ALK: variants seen among roughly 807,000 people sequenced by gnomAD.
ALK encodes ALK receptor tyrosine kinase, also known as ALK tyrosine kinase receptor.
In ALK, 74 loss-of-function variants were observed where a neutral mutation model predicts 163.1. The observed-to-expected ratio is 0.45, with a 90% CI of 0.38 to 0.55. The LOEUF is 0.55. Ranked by LOEUF, ALK falls within the 20% of genes least tolerant of loss-of-function variation. The pLI is 0.00. For missense variants in ALK, 2,063 were observed against 2,105.3 expected, an observed-to-expected ratio of 0.98 and a Z score of 0.39; for synonymous variants, 960 against 843.2, an observed-to-expected ratio of 1.14 and a Z score of -2.40.
chr2:29,219,194 C>T (rs892500015), intron 23 of ALK, among the ~76,000 whole-genome samples: 2 of 152,172 alleles, frequency 1.3e-5, no homozygotes, highest in African/African-American at 4.8e-5. Flanking sequence ...GATGAGGGCT[C>T]TTATGAGACA....
chr2:29,805,042 G>A (rs190112137), intron 1 of ALK, among the ~76,000 whole-genome samples: 66 of 152,276 alleles, frequency 4.3e-4, no homozygotes, highest in Non-Finnish European at 7.2e-4. Flanking sequence ...CTGAGAAACT[G>A]GATCTGTCAG....
chr2:29,233,136 T>A (rs114007634), intron 14 of ALK, among the ~76,000 whole-genome samples: 1 of 152,188 alleles, frequency 6.6e-6, no homozygotes, highest in Non-Finnish European at 1.5e-5. Context: ...CTCATCTTTA[T>A]TTTTTAATTC....
intron 1 of ALK, among the ~76,000 whole-genome samples, chr2:29,726,157 C>T (rs946119683): frequency 5.9e-5 from 9 of 152,116 alleles, no homozygotes; most frequent in Non-Finnish European, 1.0e-4. Context: ...TTAACACACC[C>T]GCACTCCCTA....
At chr2:29,582,681 T>C (rs1026100295) in intron 3 of ALK, among the ~76,000 whole-genome samples, 1 of 152,182 alleles carries the variant, frequency 6.6e-6, no homozygotes, top group African/African-American at 2.4e-5. Flanking sequence ...AAGATTCCTT[T>C]CCAAGAAGTT....
intron 1 of ALK, among the ~76,000 whole-genome samples, chr2:29,810,192 C>T (rs113808389): frequency 0.035 from 5,388 of 152,066 alleles, 326 homozygotes; most frequent in African/African-American, 0.12. Context: ...GAGGCCAAGG[C>T]GGGTGAATCA....
intron 4 of ALK, among the ~76,000 whole-genome samples, chr2:29,420,955 T>C (rs56117783): frequency 0.36 from 54,196 of 151,224 alleles, 10,684 homozygotes; most frequent in Non-Finnish European, 0.42. Context: ...AGGTCGCATG[T>C]TCTCCCCATC....
At chr2:29,811,664 T>G (rs775348922) in intron 1 of ALK, among the ~76,000 whole-genome samples, 3 of 152,170 alleles carry the variant, frequency 2.0e-5, no homozygotes, top group Non-Finnish European at 4.4e-5. Context: ...CAATAAGGCA[T>G]GTAGCTGACC....
chr2:29,216,731 TG>T (rs1558618884), intron 23 of ALK, among the ~76,000 whole-genome samples: 3 of 148,502 alleles, frequency 2.0e-5, no homozygotes, highest in African/African-American at 7.4e-5. Flanking sequence ...TGTGTATATG[TG>T]TTTGTGTTTT....
At chr2:29,569,546 C>T (rs1156272100) in intron 3 of ALK, among the ~76,000 whole-genome samples, 1 of 122,152 alleles carries the variant, frequency 8.2e-6, no homozygotes, top group African/African-American at 3.3e-5. Context: ...GTAAATGTGA[C>T]TTTCTTTCCC....
chr2:29,450,752 T>C (rs1307052472), intron 4 of ALK, among the ~76,000 whole-genome samples: 2 of 152,126 alleles, frequency 1.3e-5, no homozygotes, highest in African/African-American at 4.8e-5. Context: ...GGCCTATAAA[T>C]AATGAGAAGA....
At chr2:29,363,673 G>C (rs531554552) in intron 5 of ALK, among the ~76,000 whole-genome samples, 39 of 152,288 alleles carry the variant, frequency 2.6e-4, no homozygotes, top group African/African-American at 7.5e-4. Context: ...AAGCCCAGGG[G>C]CCTCAGTGAT....
At chr2:29,575,993 G>C (rs1179519197) in intron 3 of ALK, among the ~76,000 whole-genome samples, 1 of 152,154 alleles carries the variant, frequency 6.6e-6, no homozygotes, top group Admixed American at 6.5e-5. Flanking sequence ...GAGCCTCCCA[G>C]TTAAGATGTG....
chr2:29,535,175 A>G (rs1573437227), intron 3 of ALK, among the ~76,000 whole-genome samples: 1 of 152,192 alleles, frequency 6.6e-6, no homozygotes, highest in Non-Finnish European at 1.5e-5. Context: ...ACTAAGAAGG[A>G]TGGTCTAGCA....
intron 1 of ALK, among the ~76,000 whole-genome samples, chr2:29,841,199 TA>T (rs201851122): frequency 1.3e-5 from 2 of 151,830 alleles, no homozygotes; most frequent in African/African-American, 2.4e-5. Context: ...CCCCATCATT[TA>T]AAAAAAAGAC....
rs116325150 is a variant in ALK, at chr2:29,895,724, C to T, written c.667+24269G>A. 5.3e-3 allele frequency among the ~76,000 whole-genome samples: 811 copies of T among 152,304 alleles called. 7 individuals are homozygous for T. The highest frequency in any genetic ancestry group is 0.019 in the African/African-American group (771 of 41,556). Reference sequence around the variant, plus strand: ...CAGGAGATCCCTAGCCATCTCAATTCAACAGTTCATTGTGAGCCTCCATCT... The same window carrying T: ...CAGGAGATCCCTAGCCATCTCAATTTAACAGTTCATTGTGAGCCTCCATCT... On this transcript the variant is annotated intron_variant, in intron 1 of 28. Transcript: ENST00000389048.
At chr2:29,361,177 A>G (rs757241251) in intron 5 of ALK, among the ~76,000 whole-genome samples, 9 of 152,208 alleles carry the variant, frequency 5.9e-5, no homozygotes, top group Non-Finnish European at 1.2e-4. Flanking sequence ...TCCCTGTGCT[A>G]TTAGGAGTGG....
chr2:29,467,699 A>AT (rs1203428507), intron 4 of ALK, among the ~76,000 whole-genome samples: 1 of 152,190 alleles, frequency 6.6e-6, no homozygotes, highest in Non-Finnish European at 1.5e-5. Flanking sequence ...CTCTTCTCAT[A>AT]ATAATACTAA....
intron 3 of ALK, among the ~76,000 whole-genome samples, chr2:29,659,759 TATAAC>T (rs1460339947): frequency 1.3e-5 from 2 of 152,182 alleles, no homozygotes; most frequent in Non-Finnish European, 2.9e-5. Context: ...CTTGTATTGT[TATAAC>T]ATAATACTAC....
At chr2:29,305,376 T>C (rs777906793) in intron 8 of ALK, among the ~76,000 whole-genome samples, 3 of 152,166 alleles carry the variant, frequency 2.0e-5, no homozygotes, top group Admixed American at 1.3e-4. Flanking sequence ...AACTACCCTC[T>C]TGGACCTGCA....
Sources: gnomAD v4.1 joint callset for allele counts (sites outside exome capture counted in the v4.1 genomes callset) on GRCh38, gnomAD v4.1.1 for gene constraint, MANE v1.5 for transcripts, NCBI Gene and HGNC (gene_info 2026-07-23, HGNC 2026-07-21) for gene names.